Variants in USP15 observed in about 807,000 individuals in gnomAD.
USP15 encodes ubiquitin carboxyl-terminal hydrolase 15.
In USP15, 18 loss-of-function variants were observed where a neutral mutation model predicts 127.1. That is an observed-to-expected ratio of 0.14 (90% CI 0.10 to 0.21). The LOEUF is 0.21. Ranked by LOEUF, USP15 falls within the 10% of genes least tolerant of loss-of-function variation. The pLI, the probability that USP15 is intolerant of heterozygous loss-of-function variation, is 1.00. For synonymous variants in USP15, 364 were observed against 393.7 expected, an observed-to-expected ratio of 0.92 and a Z score of 0.89; for missense variants, 805 against 1,159.9, an observed-to-expected ratio of 0.69 and a Z score of 4.44.
intron 9 of USP15, 67 bp downstream of exon 9, chr12:62,381,730 G>GT: frequency 1.3e-6 from 2 of 1,502,220 alleles, no homozygotes; most frequent in Non-Finnish European, 1.8e-6. Flanking sequence ...CTTGGGGATA[G>GT]GGGGAGTGAA....
chr12:62,403,622 G>C (rs2067766572), intron 21 of USP15, among the ~76,000 whole-genome samples: 1 of 151,962 alleles, frequency 6.6e-6, no homozygotes, highest in African/African-American at 2.4e-5. Flanking sequence ...TGACTATGAG[G>C]AAGAGGAAGA....
chr12:62,391,289 A>C lies in USP15; in HGVS notation c.2093A>C (p.Asp698Ala). ...TCTGAAAATGGATTATGTACTGAGG[A>C]TACTTGCAAAGGTCAACTCACGGGA... ...NDSENGLCTE[D>A]TCKGQLTGHK... is the part of the protein sequence containing the mutation. Residue 698 changes from aspartate (D) to alanine (A), a missense_variant, in exon 16 of 22, where the codon GAT becomes GCT. Asp to Ala is a moderately radical substitution (Grantham distance 126, BLOSUM62 -2). Around this residue, in one of 11 missense-constraint regions of USP15, gnomAD observed 225 missense variants for 239.5 expected, o/e 0.94. Coordinates refer to ENST00000280377, the MANE Select transcript of USP15 (RefSeq NM_001252078.2). 6.2e-7 allele frequency: 1 copy of C among 1,613,630 alleles called. No individual in the cohort carries two copies. The highest frequency in any genetic ancestry group is 8.5e-7 in the Non-Finnish European group (1 of 1,179,702).
chr12:62,398,332 C>A (rs2067566238), intron 20 of USP15, among the ~76,000 whole-genome samples: 1 of 152,102 alleles, frequency 6.6e-6, no homozygotes, highest in African/African-American at 2.4e-5. Flanking sequence ...CTTCCCTTCC[C>A]TTCATTGTAT....
chr12:62,389,409 T>A, intron 11 of USP15, 22 bp from the exon 12 acceptor site: 1 of 1,590,992 alleles, frequency 6.3e-7, no homozygotes, highest in Non-Finnish European at 8.5e-7. Flanking sequence ...ATAAATTCAT[T>A]ACAATTTTTT....
chr12:62,379,269 A>G (rs2066918473), intron 8 of USP15, among the ~76,000 whole-genome samples: 2 of 151,930 alleles, frequency 1.3e-5, no homozygotes, highest in South Asian at 4.2e-4. Flanking sequence ...TTGAGAGAGT[A>G]TGTGGAGGAA....
intron 8 of USP15, among the ~76,000 whole-genome samples, chr12:62,372,998 C>T (rs1309313272): frequency 6.6e-6 from 1 of 152,070 alleles, no homozygotes; most frequent in Non-Finnish European, 1.5e-5. Flanking sequence ...AGTCAGACAA[C>T]TGCTGACATA....
chr12:62,307,791 TTTG>T (rs1416386620), intron 3 of USP15, among the ~76,000 whole-genome samples: 5 of 152,170 alleles, frequency 3.3e-5, no homozygotes, highest in African/African-American at 1.2e-4. Context: ...GTCACAGTGC[TTTG>T]TTGAAGGGCA....
intron 6 of USP15, chr12:62,335,580 T>C: frequency 2.0e-6 from 2 of 1,019,822 alleles, no homozygotes. Context: ...GTGCCACACA[T>C]ATGGTAAACA....
At chr12:62,301,817 GA>G (rs1268089189) in intron 2 of USP15, among the ~76,000 whole-genome samples, 5 of 152,086 alleles carry the variant, frequency 3.3e-5, no homozygotes, top group Non-Finnish European at 7.4e-5. Flanking sequence ...ATGCTACCAA[GA>G]ACAATTTTGC....
chr12:62,344,594 G>A (rs543947297), intron 6 of USP15, among the ~76,000 whole-genome samples: 1 of 152,306 alleles, frequency 6.6e-6, no homozygotes, highest in African/African-American at 2.4e-5. Flanking sequence ...CCAGTAGGTG[G>A]TGCCCCAGTA....
rs2137704800 is a variant in USP15 at position 62,409,152 on chromosome 12, G to A, written c.*4777G>A. ...TTATTTTTGGAAAATATATGCATCG[G>A]GAAACATACCCCACACGGTGCCATG... is the stretch of plus-strand genomic sequence containing the variant. On this transcript the variant is annotated 3_prime_UTR_variant, in exon 22 of 22. Coordinates refer to ENST00000280377, the MANE Select transcript of USP15 (RefSeq NM_001252078.2). 6.6e-6 allele frequency: 1 copy of A among 152,204 alleles called. No individual in the cohort carries two copies. Among genetic ancestry groups the A allele is most frequent in the South Asian group, 2.1e-4 (1 of 4,832 alleles). 9.4% of individuals were successfully genotyped at this position (152,204 alleles called of 1,614,324 possible).
chr12:62,405,111 A>G lies in USP15; in HGVS notation c.*736A>G, dbSNP rs2067824266. ...ACTGCTATTGGGATCTATTCTTCAG[A>G]TATTCAAAAACATTTTTTGCTTTAA... On this transcript the variant is annotated 3_prime_UTR_variant, in exon 22 of 22. Coordinates refer to ENST00000280377, the MANE Select transcript of USP15 (RefSeq NM_001252078.2). 6.6e-6 allele frequency: 1 copy of G among 152,110 alleles called. No homozygotes were observed. Among genetic ancestry groups the G allele is most frequent in the South Asian group, 2.1e-4 (1 of 4,828 alleles). 9.4% of individuals were successfully genotyped at this position (152,110 alleles called of 1,614,324 possible).
rs1012863217 is a variant in USP15, at chr12:62,408,698, G to A, written c.*4323G>A. The A allele has an allele frequency of 1.3e-5, 2 of 152,046 alleles. No homozygotes were observed. Among genetic ancestry groups the A allele is most frequent in the African/African-American group, 4.8e-5 (2 of 41,412 alleles). 9.4% of individuals were successfully genotyped at this position (152,046 alleles called of 1,614,324 possible). ...CCAGAGGATAGGGAAAGGAGGAAAA[G>A]GTGAGTGTATTTATATCCTTGCTAG... On this transcript the variant is annotated 3_prime_UTR_variant, in exon 22 of 22. Transcript: ENST00000280377.
chr12:62,406,445 TAAAGA>T lies in USP15; in HGVS notation c.*2075_*2079del, dbSNP rs1336302453. On this transcript the variant is annotated 3_prime_UTR_variant, in exon 22 of 22. Transcript: ENST00000280377. ...CTATATTTCCATTTTTCTGAAGATT[TAAAGA>T]AAAGTCAAAGCTAAATCTTTTAAAC... 6.6e-6 allele frequency: 1 copy of T among 152,214 alleles called. No homozygotes were observed. The highest frequency in any genetic ancestry group is 1.5e-5 in the Non-Finnish European group (1 of 68,038). 9.4% of individuals were successfully genotyped at this position (152,214 alleles called of 1,614,324 possible).
intron 1 of USP15, among the ~76,000 whole-genome samples, chr12:62,289,772 G>A (rs2063904451): frequency 6.8e-6 from 1 of 148,132 alleles, no homozygotes; most frequent in Non-Finnish European, 1.5e-5. Context: ...TCTTAGCACT[G>A]CTTTTGCTGT....
At chr12:62,314,975 A>G in intron 4 of USP15, 59 bp downstream of exon 4, 3 of 1,407,510 alleles carry the variant, frequency 2.1e-6, no homozygotes, top group Non-Finnish European at 2.8e-6. Flanking sequence ...AATTAGAATT[A>G]TCTTTGTATA....
intron 1 of USP15, among the ~76,000 whole-genome samples, chr12:62,290,553 A>G (rs1037815720): frequency 2.0e-5 from 3 of 152,126 alleles, no homozygotes; most frequent in African/African-American, 7.2e-5. Flanking sequence ...CTTGTTTTCT[A>G]AATTCGTCCT....
intron 2 of USP15, among the ~76,000 whole-genome samples, chr12:62,298,416 C>T (rs11174418): frequency 0.22 from 34,077 of 152,030 alleles, 4,161 homozygotes; most frequent in African/African-American, 0.34. Flanking sequence ...CCTGTAATCC[C>T]AGCACTTTGG....
chr12:62,291,635 T>C (rs1431769051), intron 1 of USP15, among the ~76,000 whole-genome samples: 1 of 152,216 alleles, frequency 6.6e-6, no homozygotes, highest in African/African-American at 2.4e-5. Flanking sequence ...GAAAAACACA[T>C]TTCTCAGTTT....
Sources: gnomAD v4.1 joint callset for allele counts (sites outside exome capture counted in the v4.1 genomes callset) on GRCh38, gnomAD v4.1.1 for gene constraint, gnomAD v4.1.1 regional missense constraint, MANE v1.5 for transcripts, NCBI Gene and HGNC (gene_info 2026-07-23, HGNC 2026-07-21) for gene names.